The following ADGRB1 variants were observed in gnomAD, a reference collection of about 807,000 sequenced individuals.
The protein encoded by ADGRB1 is adhesion G protein-coupled receptor B1, also known as brain-specific angiogenesis inhibitor 1.
Under a neutral mutation model 175.7 loss-of-function variants are expected in ADGRB1, and 36 were observed. The observed-to-expected ratio is 0.20, with a 90% CI of 0.16 to 0.27. The LOEUF is 0.27. ADGRB1 is among the 10% of genes least tolerant of loss of function. The pLI is 1.00. For missense variants in ADGRB1, 1,731 were observed against 2,255.3 expected (o/e 0.77, Z 4.71); for synonymous variants, 1,054 against 979.4 (o/e 1.08, Z -1.42).
intron 2 of ADGRB1, among the ~76,000 whole-genome samples, chr8:142,466,913 G>A (rs181342231): frequency 2.6e-5 from 4 of 152,304 alleles, no homozygotes; most frequent in East Asian, 3.9e-4. Flanking sequence ...TTTGCAGAGC[G>A]TTTTCCTCCA....
At chr8:142,486,549 G>A (rs529937014) in intron 13 of ADGRB1, among the ~76,000 whole-genome samples, 7 of 152,344 alleles carry the variant, frequency 4.6e-5, no homozygotes, top group African/African-American at 1.7e-4. Context: ...TTTAAGTTAA[G>A]CAACCCTAAC....
At chr8:142,503,635 G>A (rs941699548) in intron 17 of ADGRB1, among the ~76,000 whole-genome samples, 5 of 152,096 alleles carry the variant, frequency 3.3e-5, no homozygotes, top group African/African-American at 9.7e-5. Context: ...CAGCAGGTGC[G>A]GGTCTGCAGG....
At chr8:142,503,177 A>C (rs1487150282) in intron 17 of ADGRB1, among the ~76,000 whole-genome samples, 1 of 151,988 alleles carries the variant, frequency 6.6e-6, no homozygotes, top group Non-Finnish European at 1.5e-5. Context: ...CCCCCATGAC[A>C]CAGTTAAGGA....
rs1393160129 is a variant in ADGRB1, at chr8:142,464,811, C to G, written c.613C>G (p.Pro205Ala). Reference sequence around the variant, plus strand: ...TCTGGCCGGTAGTCGCAGCTCGCACCCCTGCGGGATCATGCAGACCCCCTG... The same window carrying G: ...TCTGGCCGGTAGTCGCAGCTCGCACGCCTGCGGGATCATGCAGACCCCCTG... Reference protein sequence around the residue: ...ACLAGSRSSHPCGIMQTPCAC... With the variant: ...ACLAGSRSSHACGIMQTPCAC... The change falls in exon 2 of 31, where the codon CCC becomes GCC. Residue 205 changes from proline to alanine, a missense_variant. By Grantham distance (27) the Pro-to-Ala change is conservative. Transcript: ENST00000517894. 1 of 1,534,856 alleles carries G rather than the reference C, an allele frequency of 6.5e-7. No homozygotes were observed. Among genetic ancestry groups the G allele is most frequent in the South Asian group, 1.2e-5 (1 of 83,892 alleles).
At chr8:142,529,460 T>G (rs867352600) in intron 24 of ADGRB1, among the ~76,000 whole-genome samples, 31 of 152,042 alleles carry the variant, frequency 2.0e-4, no homozygotes, top group Non-Finnish European at 8.8e-5. Context: ...GAGTGTGGAG[T>G]TCTCTGCCGC....
rs773954916 is a variant in ADGRB1, at chr8:142,493,810, C to T, written c.2675+2995C>T. Among the ~76,000 whole-genome samples the T allele has an allele frequency of 6.6e-6, 1 of 152,226 alleles. No individual in the cohort carries two copies. The highest frequency in any genetic ancestry group is 1.5e-5 in the Non-Finnish European group (1 of 68,036). On this transcript the variant is annotated intron_variant, in intron 17 of 30. Transcript: ENST00000517894. The surrounding 1 kb of genome is among the most constrained non-coding windows in gnomAD (Gnocchi z 5.0). Reference sequence around the variant, plus strand: ...GGAAGGACTGGGACTGACCTCGGTCCCCTTCCTTCTGCCCCTCACCTCCCC... The same window carrying T: ...GGAAGGACTGGGACTGACCTCGGTCTCCTTCCTTCTGCCCCTCACCTCCCC...
At chr8:142,520,167 G>T (rs1278830191) in intron 19 of ADGRB1, among the ~76,000 whole-genome samples, 5 of 145,030 alleles carry the variant, frequency 3.4e-5, no homozygotes, top group African/African-American at 1.3e-4. Context: ...GGTGGTAGTG[G>T]TAGTGGTTGT....
At chr8:142,506,459 G>A (rs554907306) in intron 17 of ADGRB1, among the ~76,000 whole-genome samples, 321 of 152,338 alleles carry the variant, frequency 2.1e-3, no homozygotes, top group African/African-American at 7.2e-3. Context: ...TGGGGAGCAG[G>A]TGTAACTGAC....
chr8:142,539,961 G>A (rs1845165848), intron 27 of ADGRB1: 1 of 154,288 alleles, frequency 6.5e-6, no homozygotes. Context: ...CCGGTGCTGA[G>A]CTTCCTGGAA....
chr8:142,508,054 T>A lies in ADGRB1; in HGVS notation c.2676-2878T>A, dbSNP rs565828398. 1.8e-4 allele frequency among the ~76,000 whole-genome samples: 28 copies of A among 151,730 alleles called. 1 individual carries two copies. In the South Asian group the frequency reaches 5.6e-3, roughly 31 times the overall value. ...GACAGCGGTGGGCCTGGATTCCAGT[T>A]TTTATGTGTCTGGCTGCATGCCCCC... is the stretch of plus-strand genomic sequence containing the variant. On this transcript the variant is annotated intron_variant, in intron 17 of 30. Transcript: ENST00000517894.
At chr8:142,520,402 T>A (rs111215918) in intron 19 of ADGRB1, among the ~76,000 whole-genome samples, 1 of 4,000 alleles carries the variant, frequency 2.5e-4, no homozygotes, top group Non-Finnish European at 5.5e-4. Flanking sequence ...GATTGTGATG[T>A]TGGTAATGGT....
At position 142,492,929 on chromosome 8, in the gene ADGRB1, G is replaced by A. The variant is rs191305206; in HGVS notation, c.2675+2114G>A. Among the ~76,000 whole-genome samples the A allele has an allele frequency of 2.8e-3, 426 of 152,012 alleles. 1 individual carries two copies. The highest frequency in any genetic ancestry group is 4.9e-3 in the Non-Finnish European group (334 of 67,970). ...CAGAAACCCTCCATCCGGGCTGTTCGCCGGCCGCGGCAGCTCTCGGGGGGC... is the reference window on the plus strand; with the variant it reads ...CAGAAACCCTCCATCCGGGCTGTTCACCGGCCGCGGCAGCTCTCGGGGGGC... On this transcript the variant is annotated intron_variant, in intron 17 of 30. Transcript: ENST00000517894. This position sits in a 1 kb window ranked among gnomAD's most constrained non-coding sequence, Gnocchi z 4.4.
chr8:142,510,916 T>TGCCCCCCCCCCCC lies in ADGRB1; in HGVS notation c.2676-16_2676-15insGCCCCCCCCCCCC. On this transcript the variant is annotated splice_polypyrimidine_tract_variant and intron_variant, in intron 17 of 30. Coordinates refer to ENST00000517894, the MANE Select transcript of ADGRB1 (RefSeq NM_001702.3). The surrounding 1 kb of genome is among the most constrained non-coding windows in gnomAD (Gnocchi z 6.3). ...ACGCTCCGCCTGTCTCCCTCCCGTG[T>TGCCCCCCCCCCCC]CCCGCCCGCCCCCAGACCCTCCTCC... 2.1e-6 allele frequency: 2 copies of TGCCCCCCCCCCCC among 969,738 alleles called. No individual in the cohort carries two copies. The highest frequency in any genetic ancestry group is 2.5e-6 in the Non-Finnish European group (2 of 789,298). 60.1% of individuals were successfully genotyped at this position (969,738 alleles called of 1,614,324 possible).
At chr8:142,485,295 AAC>A (rs1841610710) in intron 13 of ADGRB1, among the ~76,000 whole-genome samples, 1 of 152,184 alleles carries the variant, frequency 6.6e-6, no homozygotes, top group Admixed American at 6.5e-5. Flanking sequence ...TGTCATTACA[AAC>A]ACAGCAATTC....
intron 26 of ADGRB1, among the ~76,000 whole-genome samples, chr8:142,538,482 C>G (rs1032826624): frequency 1.3e-5 from 2 of 152,232 alleles, no homozygotes; most frequent in African/African-American, 4.8e-5. Context: ...CAGCTTCCCC[C>G]TCCCCCAGCG....
intron 17 of ADGRB1, among the ~76,000 whole-genome samples, chr8:142,508,722 C>G (rs1431222598): frequency 6.6e-6 from 1 of 152,242 alleles, no homozygotes; most frequent in African/African-American, 2.4e-5. Flanking sequence ...CTGGCACAGA[C>G]AGAGGCATCC....
At chr8:142,523,749 A>T (rs978099534) in intron 22 of ADGRB1, among the ~76,000 whole-genome samples, 2 of 102,802 alleles carry the variant, frequency 1.9e-5, no homozygotes, top group Non-Finnish European at 3.7e-5. Flanking sequence ...GTGTCCAGAG[A>T]TCTGGAGAAT....
intron 1 of ADGRB1, among the ~76,000 whole-genome samples, chr8:142,453,496 C>G (rs757934143): frequency 7.9e-5 from 12 of 152,324 alleles, no homozygotes; most frequent in Non-Finnish European, 1.8e-4. Flanking sequence ...CCTTTGTCCT[C>G]TGGAAGCCTC....
chr8:142,528,086 G>A (rs555543313), intron 24 of ADGRB1, among the ~76,000 whole-genome samples: 1 of 152,304 alleles, frequency 6.6e-6, no homozygotes, highest in South Asian at 2.1e-4. Flanking sequence ...AGGTTGGGGT[G>A]GAGGGGCACC....
Sources: gnomAD v4.1 joint callset for allele counts (sites outside exome capture counted in the v4.1 genomes callset) on GRCh38, gnomAD v4.1.1 for gene constraint, Gnocchi (gnomAD v3.1) non-coding constraint, MANE v1.5 for transcripts, NCBI Gene and HGNC (gene_info 2026-07-23, HGNC 2026-07-21) for gene names.